Variants in PIK3CD observed in about 807,000 individuals in gnomAD.
PIK3CD encodes phosphatidylinositol-4,5-bisphosphate 3-kinase catalytic subunit delta.
PIK3CD carries 20 observed loss-of-function variants against 122.9 expected under a neutral mutation model. That is an observed-to-expected ratio of 0.16 (90% CI 0.11 to 0.24). PIK3CD has a LOEUF of 0.24. Ranked by LOEUF, PIK3CD falls within the 10% of genes least tolerant of loss-of-function variation. The pLI, the probability that PIK3CD is intolerant of heterozygous loss-of-function variation, is 1.00. For synonymous variants in PIK3CD, 596 were observed against 593.4 expected, an observed-to-expected ratio of 1.00 and a Z score of -0.06; for missense variants, 787 against 1,406.3, an observed-to-expected ratio of 0.56 and a Z score of 7.04.
intron 2 of PIK3CD, among the ~76,000 whole-genome samples, chr1:9,693,351 A>C (rs1646279683): frequency 6.6e-6 from 1 of 151,524 alleles, no homozygotes; most frequent in Non-Finnish European, 1.5e-5. Flanking sequence ...CAGCCTCCCA[A>C]GTAGCTGGGA....
the PIK3CD span, among the ~76,000 whole-genome samples, chr1:9,639,482 T>G: frequency 6.6e-6 from 1 of 152,112 alleles, no homozygotes. Flanking sequence ...GCCTCACAAC[T>G]TCTCTGAAGT....
rs1342217266 is a variant in PIK3CD, at chr1:9,689,463, G to T, written c.-137-2004G>T. Reference sequence around the variant, plus strand: ...CCGCGCCGCCGCCGGCCCCGGCCCCGCCCCAGCCCCGAGGACGCCCCGCCC... The same window carrying T: ...CCGCGCCGCCGCCGGCCCCGGCCCCTCCCCAGCCCCGAGGACGCCCCGCCC... On this transcript the variant is annotated intron_variant, in intron 1 of 23. Transcript: ENST00000377346. This position sits in a 1 kb window ranked among gnomAD's most constrained non-coding sequence, Gnocchi z 6.1. 3.6e-5 allele frequency among the ~76,000 whole-genome samples: 4 copies of T among 110,116 alleles called. No homozygotes were observed. Among genetic ancestry groups the T allele is most frequent in the Non-Finnish European group, 7.9e-5 (4 of 50,614 alleles). The allele number at this position is 110,116 out of a possible 152,430, so 72.2% of individuals were successfully genotyped here.
the PIK3CD span, among the ~76,000 whole-genome samples, chr1:9,640,208 C>T: frequency 7.9e-5 from 12 of 151,980 alleles, no homozygotes; most frequent in East Asian, 9.7e-4. Context: ...TTCATCTGTC[C>T]GTTTCTTGCC....
rs139648797 is a variant in PIK3CD, at chr1:9,719,930, A to G, written c.1252A>G (p.Ile418Val). 2 of 1,613,638 alleles carry G rather than the reference A, an allele frequency of 1.2e-6. No individual in the cohort carries two copies. The highest frequency in any genetic ancestry group is 1.7e-6 in the Non-Finnish European group (2 of 1,179,972). Residue 418 changes from isoleucine (I) to valine (V), a missense_variant, in exon 10 of 24, where the codon ATT becomes GTT. Ile to Val is a conservative substitution (Grantham distance 29). Transcript: ENST00000377346. This position sits in a 1 kb window ranked among gnomAD's most constrained non-coding sequence, Gnocchi z 5.5. The stretch of plus-strand genomic sequence containing the variant: ...CCCTGTCCTTCTGCAGGACTGCCCC[A>G]TTGCCTGGGCCAACCTCATGCTGTT... ...KKKSKKADCP[I>V]AWANLMLFDY...
chr1:9,680,088 G>A (rs1005180680), intron 1 of PIK3CD, among the ~76,000 whole-genome samples: 1 of 152,158 alleles, frequency 6.6e-6, no homozygotes, highest in African/African-American at 2.4e-5. Context: ...GCATCCCAAA[G>A]TGCTAGGATT....
At chr1:9,679,063 CTTTTTT>C (rs148088382) in intron 1 of PIK3CD, among the ~76,000 whole-genome samples, 3 of 116,572 alleles carry the variant, frequency 2.6e-5, no homozygotes, top group South Asian at 2.9e-4. Flanking sequence ...TCAGGAGAAA[CTTTTTT>C]TTTTTTTTTT....
intron 2 of PIK3CD, among the ~76,000 whole-genome samples, chr1:9,695,766 C>A (rs574680874): frequency 2.7e-5 from 4 of 150,538 alleles, no homozygotes; most frequent in Non-Finnish European, 3.0e-5. Flanking sequence ...CGCTTGAACC[C>A]GGGAGGCGGA....
rs368751278 is a variant in PIK3CD at position 9,724,005 on chromosome 1, C to G, written c.2631C>G (p.Leu877=). 1.2e-4 allele frequency: 194 copies of G among 1,614,220 alleles called. 1 individual carries two copies. Among genetic ancestry groups the G allele is most frequent in the South Asian group, 5.2e-4 (47 of 91,086 alleles). The stretch of plus-strand genomic sequence containing the variant: ...ATCGAGCCATTGAGGAGTTCACCCT[C>G]TCCTGTGCTGGCTATTGTGTGGCCA... The part of the protein sequence containing the change: ...ALDRAIEEFT[L]SCAGYCVATY... The change falls in exon 21 of 24, where the codon CTC becomes CTG. Residue 877 remains leucine, a synonymous_variant. Coordinates refer to ENST00000377346, the MANE Select transcript of PIK3CD (RefSeq NM_005026.5). This position sits in a 1 kb window ranked among gnomAD's most constrained non-coding sequence, Gnocchi z 7.3.
chr1:9,728,492 A>C lies in PIK3CD; in HGVS notation c.*1446A>C, dbSNP rs1458959473. On this transcript the variant is annotated 3_prime_UTR_variant, in exon 24 of 24. Transcript: ENST00000377346. ...CTGTTGATTTCTCAAAGGTCTTCCA[A>C]AACTCAACAGAGCCAGAAGTAGCCG... is the stretch of plus-strand genomic sequence containing the variant. 1 of 152,204 alleles carries C rather than the reference A, an allele frequency of 6.6e-6. No homozygotes were observed. The highest frequency in any genetic ancestry group is 6.5e-5 in the Admixed American group (1 of 15,284). 9.4% of individuals were successfully genotyped at this position (152,204 alleles called of 1,614,324 possible). A position where few individuals can be genotyped will look rare whatever the true frequency, so the allele number is the denominator to read the frequency against.
At position 9,717,418 on chromosome 1, in the gene PIK3CD, C is replaced by A; in HGVS notation, c.931-119C>A. 9.5e-7 allele frequency: 1 copy of A among 1,049,438 alleles called. No individual in the cohort carries two copies. The highest frequency in any genetic ancestry group is 1.5e-6 in the Non-Finnish European group (1 of 679,582). The allele number at this position is 1,049,438 out of a possible 1,614,324, so 65.0% of individuals were successfully genotyped here. On this transcript the variant is annotated intron_variant, in intron 7 of 23. Coordinates refer to ENST00000377346, the MANE Select transcript of PIK3CD (RefSeq NM_005026.5). The surrounding 1 kb of genome is among the most constrained non-coding windows in gnomAD (Gnocchi z 5.4). ...GGATAGCATTGTGGACAGGCCCAAA[C>A]CTGGCCGCAAACCTGTGACCCTCTC... is the stretch of plus-strand genomic sequence containing the variant.
At chr1:9,688,852 A>C (rs1475013729) in intron 1 of PIK3CD, among the ~76,000 whole-genome samples, 1 of 152,032 alleles carries the variant, frequency 6.6e-6, no homozygotes, top group East Asian at 1.9e-4. Flanking sequence ...TGGAGCGCCC[A>C]GAGTTTTTTT....
chr1:9,704,419 TTCAAAGCCCATGG>T lies in PIK3CD; in HGVS notation c.-32-5993_-32-5981del, dbSNP rs1218886132. Among the ~76,000 whole-genome samples, 1 of 152,192 alleles carries T rather than the reference TTCAAAGCCCATGG, an allele frequency of 6.6e-6. No homozygotes were observed. The highest frequency in any genetic ancestry group is 1.5e-5 in the Non-Finnish European group (1 of 68,034). ...TGAGTGGCCAAAGATACCCCTGACT[TTCAAAGCCCATGG>T]TCAAAGCCCATTTCATGTCATAAGT... On this transcript the variant is annotated intron_variant, in intron 2 of 23. Transcript: ENST00000377346. The surrounding 1 kb of genome is among the most constrained non-coding windows in gnomAD (Gnocchi z 5.0).
chr1:9,692,839 G>A (rs1166839429), intron 2 of PIK3CD, among the ~76,000 whole-genome samples: 3 of 152,112 alleles, frequency 2.0e-5, no homozygotes, highest in Admixed American at 2.0e-4. Flanking sequence ...CTTCTGCTCA[G>A]CACCCTGTCC....
At position 9,710,108 on chromosome 1, in the gene PIK3CD, G is replaced by A; in HGVS notation, c.-32-316G>A. On this transcript the variant is annotated intron_variant, in intron 2 of 23. Coordinates refer to ENST00000377346, the MANE Select transcript of PIK3CD (RefSeq NM_005026.5). This position sits in a 1 kb window ranked among gnomAD's most constrained non-coding sequence, Gnocchi z 4.7. The stretch of plus-strand genomic sequence containing the variant: ...TGCCATCTCCCTTCTGTGCCAGCTG[G>A]TGGCCATGACTGGCTTTCGTGGATG... 2.7e-6 allele frequency: 1 copy of A among 367,812 alleles called. No homozygotes were observed. 22.8% of individuals were successfully genotyped at this position (367,812 alleles called of 1,614,324 possible).
At chr1:9,660,462 T>A (rs1644978852) in intron 1 of PIK3CD, among the ~76,000 whole-genome samples, 3 of 152,234 alleles carry the variant, frequency 2.0e-5, no homozygotes, top group African/African-American at 7.2e-5. Flanking sequence ...ATTAACAGTT[T>A]TCCACATTGC....
In PIK3CD at chr1:9,727,233, C is replaced by T. The variant is rs1377150507; in HGVS notation, c.*187C>T. On this transcript the variant is annotated 3_prime_UTR_variant, in exon 24 of 24. Coordinates refer to ENST00000377346, the MANE Select transcript of PIK3CD (RefSeq NM_005026.5). ...GTTTAAGGAGCTAAACAGCCATAAA[C>T]GGAAACGCCTCCTTCATGCAGCGGC... The T allele has an allele frequency of 2.2e-5, 15 of 694,964 alleles. No individual in the cohort carries two copies. The highest frequency in any genetic ancestry group is 3.2e-5 in the Non-Finnish European group (13 of 409,804). 43.0% of individuals were successfully genotyped at this position (694,964 alleles called of 1,614,324 possible). A position where few individuals can be genotyped will look rare whatever the true frequency, so the allele number is the denominator to read the frequency against.
chr1:9,729,071 T>TATCA lies in PIK3CD; in HGVS notation c.*2026_*2029dup, dbSNP rs1330704443. 8 of 152,198 alleles carry TATCA rather than the reference T, an allele frequency of 5.3e-5. No homozygotes were observed. The East Asian group carries it at 9.6e-4, about 18-fold the overall frequency. 9.4% of individuals were successfully genotyped at this position (152,198 alleles called of 1,614,324 possible). Reference sequence around the variant, plus strand: ...ATTGTAGCGGATACACTTTCTGACCTATCATGAGTATACACATCTGCGAAG... The same window carrying TATCA: ...ATTGTAGCGGATACACTTTCTGACCTATCAATCATGAGTATACACATCTGCGAAG... On this transcript the variant is annotated 3_prime_UTR_variant, in exon 24 of 24. Transcript: ENST00000377346.
At position 9,717,714 on chromosome 1, in the gene PIK3CD, G is replaced by A; in HGVS notation, c.1020+88G>A. ...CTGGAGGGGTAGCAGAGGAAGGAGG[G>A]GGATCACATGAAAGCCACCTGACCA... On this transcript the variant is annotated intron_variant, in intron 8 of 23. Transcript: ENST00000377346. The surrounding 1 kb of genome is among the most constrained non-coding windows in gnomAD (Gnocchi z 5.4). The A allele has an allele frequency of 4.1e-6, 5 of 1,212,744 alleles. No individual in the cohort carries two copies. Among genetic ancestry groups the A allele is most frequent in the Non-Finnish European group, 6.0e-6 (5 of 832,496 alleles). 75.1% of individuals were successfully genotyped at this position (1,212,744 alleles called of 1,614,324 possible). A position where few individuals can be genotyped will look rare whatever the true frequency, so the allele number is the denominator to read the frequency against.
chr1:9,657,011 C>T (rs1378599895), intron 1 of PIK3CD, among the ~76,000 whole-genome samples: 1 of 151,564 alleles, frequency 6.6e-6, no homozygotes, highest in Non-Finnish European at 1.5e-5. Context: ...ATTAAGGCAT[C>T]AGCAAGGCCT....
Sources: allele counts gnomAD v4.1 joint callset (sites outside exome capture counted in the v4.1 genomes callset), GRCh38; gene constraint gnomAD v4.1.1; non-coding constraint Gnocchi (gnomAD v3.1); transcripts MANE v1.5; gene names NCBI Gene and HGNC (gene_info 2026-07-23, HGNC 2026-07-21).